Variants in CLASP1 observed in about 807,000 individuals in gnomAD.
The protein encoded by CLASP1 is CLIP-associating protein 1.
A neutral mutation model predicts 192.3 loss-of-function variants in CLASP1; 38 were observed. That is an observed-to-expected ratio of 0.20 (90% confidence interval 0.15 to 0.26). The LOEUF is 0.26. CLASP1 is among the 10% of genes least tolerant of loss of function. The probability of loss-of-function intolerance (pLI) is 1.00; values close to 1 mark genes in which losing one functional copy is unlikely to be tolerated. For synonymous variants in CLASP1, 691 were observed against 712.8 expected (o/e 0.97, Z 0.49); for missense variants, 1,433 against 1,932.5 (o/e 0.74, Z 4.85).
At chr2:121,519,960 A>T (rs1374658872) in intron 6 of CLASP1, among the ~76,000 whole-genome samples, 2 of 152,302 alleles carry the variant, frequency 1.3e-5, no homozygotes, top group Admixed American at 1.3e-4. Flanking sequence ...CTCACCACAG[A>T]AAGGCACCAC....
In CLASP1 at chr2:121,383,256, C is replaced by T. The variant is rs180938544; in HGVS notation, c.3375-932G>A. Among the ~76,000 whole-genome samples, 233 of 152,320 alleles carry T rather than the reference C, an allele frequency of 1.5e-3. 1 individual carries two copies. The highest frequency in any genetic ancestry group is 5.4e-3 in the African/African-American group (225 of 41,576). On this transcript the variant is annotated intron_variant, in intron 32 of 39. Coordinates refer to ENST00000263710, the Ensembl canonical transcript of CLASP1. ...GCCTGCCACTGGCATTCACTGGCATCGTCACAGCAGGAGCCTCTGCATGCT... is the reference window on the plus strand; with the variant it reads ...GCCTGCCACTGGCATTCACTGGCATTGTCACAGCAGGAGCCTCTGCATGCT...
intron 30 of CLASP1, 179 bp from the exon 32 acceptor site, chr2:121,388,085 C>A (rs2073655803): frequency 2.0e-6 from 1 of 508,602 alleles, no homozygotes; most frequent in Non-Finnish European, 3.5e-6. Flanking sequence ...TGACTTCAAT[C>A]GGGAAAATAA....
At chr2:121,389,626 T>A (rs1002993601) in intron 30 of CLASP1, among the ~76,000 whole-genome samples, 1 of 152,208 alleles carries the variant, frequency 6.6e-6, no homozygotes, top group Non-Finnish European at 1.5e-5. Flanking sequence ...AAATGGCATT[T>A]GAAAGTTATA....
At chr2:121,634,778 AT>A (rs34010782) in intron 1 of CLASP1, among the ~76,000 whole-genome samples, 1 of 152,092 alleles carries the variant, frequency 6.6e-6, no homozygotes, top group Non-Finnish European at 1.5e-5. Context: ...TATTGAGAGC[AT>A]TTTTTAGAGG....
At chr2:121,485,580 T>C (rs561754200) in intron 8 of CLASP1, among the ~76,000 whole-genome samples, 20 of 152,144 alleles carry the variant, frequency 1.3e-4, no homozygotes, top group Non-Finnish European at 2.8e-4. Flanking sequence ...TAAAGACCCA[T>C]GAGCTGGGTA....
intron 7 of CLASP1, among the ~76,000 whole-genome samples, chr2:121,511,738 T>C (rs2094142540): frequency 6.6e-6 from 1 of 152,196 alleles, no homozygotes; most frequent in Non-Finnish European, 1.5e-5. Flanking sequence ...ATAAAAACAG[T>C]TGACAGCGTT....
chr2:121,399,446 T>C (rs1179438661), intron 28 of CLASP1, among the ~76,000 whole-genome samples: 1 of 152,184 alleles, frequency 6.6e-6, no homozygotes, highest in Admixed American at 6.5e-5. Context: ...GGATGGAGAA[T>C]ACATTTCAGT....
At chr2:121,573,900 A>C (rs990336623) in intron 2 of CLASP1, among the ~76,000 whole-genome samples, 4 of 152,208 alleles carry the variant, frequency 2.6e-5, no homozygotes, top group African/African-American at 4.8e-5. Flanking sequence ...ATTTTCTCTT[A>C]CCACACATAG....
intron 23 of CLASP1, among the ~76,000 whole-genome samples, chr2:121,415,810 C>A (rs767904630): frequency 1.3e-5 from 2 of 152,216 alleles, no homozygotes; most frequent in South Asian, 4.2e-4. Flanking sequence ...AATATCAATA[C>A]CTCAAATTCT....
rs1315247337 is a variant in CLASP1, at chr2:121,589,566, G to A, written c.195+16135C>T. On this transcript the variant is annotated intron_variant, in intron 2 of 39. Coordinates refer to ENST00000263710, the Ensembl canonical transcript of CLASP1. ...AATTGCTTGAACCTAGGAGGCAGAG[G>A]TTGCGGTGAGCCAAGGCCGTACCAT... 2.0e-5 allele frequency among the ~76,000 whole-genome samples: 3 copies of A among 150,756 alleles called. No homozygotes were observed. In the Admixed American group the frequency reaches 2.0e-4, roughly 10 times the overall value.
At position 121,601,274 on chromosome 2, in the gene CLASP1, T is replaced by A. The variant is rs1446867413; in HGVS notation, c.195+4427A>T. Among the ~76,000 whole-genome samples the A allele has an allele frequency of 2.2e-5, 3 of 135,620 alleles. No individual in the cohort carries two copies. The East Asian group carries it at 8.0e-4, about 36-fold the overall frequency. The allele number at this position is 135,620 out of a possible 152,430, so 89.0% of individuals were successfully genotyped here. On this transcript the variant is annotated intron_variant, in intron 2 of 39. Transcript: ENST00000263710. ...CTGAATGAGGAAAAGCGTTCAGCAT[T>A]TTTTTTTTTTTTTTTTGAGATGGAG...
chr2:121,389,591 T>C (rs562915050), intron 30 of CLASP1, among the ~76,000 whole-genome samples: 6 of 152,264 alleles, frequency 3.9e-5, no homozygotes, highest in Non-Finnish European at 5.9e-5. Context: ...TTAAAAGATA[T>C]TGGCACTTAA....
chr2:121,427,064 T>A (rs868254406), intron 21 of CLASP1, among the ~76,000 whole-genome samples: 1 of 151,836 alleles, frequency 6.6e-6, no homozygotes, highest in Non-Finnish European at 1.5e-5. Flanking sequence ...AAAACCACCA[T>A]CATTCAAATG....
intron 33 of CLASP1, among the ~76,000 whole-genome samples, chr2:121,380,355 T>C (rs1017049359): frequency 2.0e-5 from 3 of 152,136 alleles, no homozygotes; most frequent in South Asian, 2.1e-4. Context: ...CCCCAGGACA[T>C]AATCCTTGGG....
chr2:121,462,935 G>C (rs546921958), intron 9 of CLASP1, among the ~76,000 whole-genome samples: 3 of 152,112 alleles, frequency 2.0e-5, no homozygotes, highest in Admixed American at 2.0e-4. Context: ...AATGGATCAA[G>C]CAGAAAATTT....
chr2:121,528,741 T>C (rs755752319), exon 4 of CLASP1: 1 of 1,613,812 alleles, frequency 6.2e-7, no homozygotes. Context: ...CCTCACAGAG[T>C]CTTTAGCATC....
intron 6 of CLASP1, among the ~76,000 whole-genome samples, chr2:121,524,399 T>C (rs2094526152): frequency 1.3e-5 from 2 of 151,946 alleles, no homozygotes; most frequent in South Asian, 4.1e-4. Context: ...ACGTTGAATA[T>C]AAAGTATGAT....
At chr2:121,538,783 T>G (rs1410777321) in intron 2 of CLASP1, among the ~76,000 whole-genome samples, 1 of 142,204 alleles carries the variant, frequency 7.0e-6, no homozygotes, top group Admixed American at 7.0e-5. Context: ...AGACTCAGTC[T>G]CAAAAAAAAA....
intron 1 of CLASP1, among the ~76,000 whole-genome samples, chr2:121,611,970 G>A (rs564977533): frequency 1.7e-4 from 25 of 151,032 alleles, no homozygotes; most frequent in African/African-American, 5.8e-4. Context: ...AGGCATTGGA[G>A]GAGTTACAGG....
Sources: allele counts gnomAD v4.1 joint callset (sites outside exome capture counted in the v4.1 genomes callset), GRCh38; gene constraint gnomAD v4.1.1; transcripts MANE v1.5; gene names NCBI Gene and HGNC (gene_info 2026-07-23, HGNC 2026-07-21).